PAK3: variants seen among roughly 807,000 people sequenced by gnomAD.
The protein encoded by PAK3 is serine/threonine-protein kinase PAK 3.
Under a neutral mutation model 41.0 loss-of-function variants are expected in PAK3, and 4 were observed. That is an observed-to-expected ratio of 0.10 (90% CI 0.05 to 0.22). PAK3 has a LOEUF of 0.22. Among genes scored for constraint, PAK3 ranks in the 10% least tolerant of loss-of-function variants. The pLI, the probability that PAK3 is intolerant of heterozygous loss-of-function variation, is 1.00. For missense variants in PAK3, 205 were observed against 409.9 expected, an observed-to-expected ratio of 0.50 and a Z score of 4.32; for synonymous variants, 146 against 139.6, an observed-to-expected ratio of 1.05 and a Z score of -0.32.
rs769903561 is a variant in PAK3 at position 111,136,055 on chromosome X, A to T, written c.176-6041A>T. Among the ~76,000 whole-genome samples, 231 of 110,932 alleles carry T rather than the reference A, an allele frequency of 2.1e-3. 1 individual carries two copies. Among genetic ancestry groups the T allele is most frequent in the African/African-American group, 7.2e-3 (220 of 30,511 alleles). ...GAAGAGAAGAAGATGCTACTGCTGGAGATAAATTCATAGGGGCGGGAGAGA... is the reference window on the plus strand; with the variant it reads ...GAAGAGAAGAAGATGCTACTGCTGGTGATAAATTCATAGGGGCGGGAGAGA... On this transcript the variant is annotated intron_variant, in intron 5 of 17. Coordinates refer to ENST00000372007, the MANE Select transcript of PAK3 (RefSeq NM_002578.5).
chrX:111,010,278 C>T (rs2091992646), intron 1 of PAK3, among the ~76,000 whole-genome samples: 1 of 111,612 alleles, frequency 9.0e-6, no homozygotes, highest in African/African-American at 3.3e-5. Flanking sequence ...ATGTGAGAAC[C>T]ACCCAGTTTC....
In PAK3 at chrX:111,221,401, G is replaced by A. The variant is rs771338589; in HGVS notation, c.*954G>A. The A allele has an allele frequency of 8.9e-6, 1 of 111,779 alleles. No homozygotes were observed. The highest frequency in any genetic ancestry group is 3.2e-5 in the African/African-American group (1 of 30,793). The allele number at this position is 111,779 out of a possible 1,213,427, so 9.2% of individuals were successfully genotyped here. On this transcript the variant is annotated 3_prime_UTR_variant, in exon 18 of 18. Coordinates refer to ENST00000372007, the MANE Select transcript of PAK3 (RefSeq NM_002578.5). ...GGAGAAACCACATTTAAACAAAGAT[G>A]GGACTTTCTCTGAGAGCCAAAACCA...
chrX:111,222,385 T>C lies in PAK3; in HGVS notation c.*1938T>C, dbSNP rs1306925323. The C allele has an allele frequency of 8.9e-6, 1 of 112,086 alleles. No individual in the cohort carries two copies. The highest frequency in any genetic ancestry group is 9.5e-5 in the Admixed American group (1 of 10,547). 9.2% of individuals were successfully genotyped at this position (112,086 alleles called of 1,213,427 possible). A position where few individuals can be genotyped will look rare whatever the true frequency, so the allele number is the denominator to read the frequency against. ...TATTTTCCCTATTGTTTTCTTTGAC[T>C]GTAAAAGTTGGGAGAGGCTTGACCT... On this transcript the variant is annotated 3_prime_UTR_variant, in exon 18 of 18. Transcript: ENST00000372007.
At chrX:111,032,312 C>T (rs1225891925) in intron 1 of PAK3, among the ~76,000 whole-genome samples, 1 of 112,096 alleles carries the variant, frequency 8.9e-6, no homozygotes, top group African/African-American at 3.2e-5. Flanking sequence ...AAGACCATTA[C>T]ATCTTGGTTG....
At chrX:111,059,695 A>G (rs1185264390) in intron 1 of PAK3, among the ~76,000 whole-genome samples, 2 of 111,527 alleles carry the variant, frequency 1.8e-5, no homozygotes, top group Non-Finnish European at 3.8e-5. Flanking sequence ...ATAATTTTTG[A>G]TACCATTATA....
chrX:110,957,592 A>T (rs187974286), intron 1 of PAK3, among the ~76,000 whole-genome samples: 45 of 111,803 alleles, frequency 4.0e-4, no homozygotes, highest in African/African-American at 1.3e-3. Context: ...TGAATCTTGC[A>T]GGGACCCTGG....
chrX:111,114,828 C>T (rs755888065), intron 4 of PAK3, among the ~76,000 whole-genome samples: 2 of 112,259 alleles, frequency 1.8e-5, no homozygotes, highest in African/African-American at 6.5e-5. Context: ...CTGCCCAGTG[C>T]CTTTGTCAGA....
At chrX:111,152,552 A>T (rs1404345874) in intron 8 of PAK3, 105 bp downstream of exon 8, 6 of 571,283 alleles carry the variant, frequency 1.1e-5, no homozygotes, top group Non-Finnish European at 8.9e-6. Flanking sequence ...TTTTAAAAAC[A>T]ATTTTAAGGT....
intron 1 of PAK3, among the ~76,000 whole-genome samples, chrX:111,017,073 GA>G (rs2092103651): frequency 9.0e-6 from 1 of 110,820 alleles, no homozygotes; most frequent in African/African-American, 3.3e-5. Context: ...GGAACACGGT[GA>G]AAGCAGTGCT....
At chrX:111,095,325 C>T (rs752931313), upstream of PAK3, among the ~76,000 whole-genome samples, 105 of 111,937 alleles carry the variant, frequency 9.4e-4, no homozygotes, top group Non-Finnish European at 6.2e-4. Flanking sequence ...TTTGAATGTC[C>T]TTATTGTTTT....
rs1337719208 is a variant in PAK3 at position 111,022,515 on chromosome X, A to G, written c.-28+77887A>G. ...CCACTACTAAGCCAGCACTAAAAGA[A>G]ATGCTGAAACGATCTCTAAATCTTT... On this transcript the variant is annotated intron_variant, in intron 1 of 14. Transcript: ENST00000425146. Among the ~76,000 whole-genome samples the G allele has an allele frequency of 2.7e-5, 3 of 111,901 alleles. No individual in the cohort carries two copies. The East Asian group carries it at 8.5e-4, about 32-fold the overall frequency.
intron 5 of PAK3, 82 bp downstream of exon 5, chrX:111,123,360 G>A: frequency 1.1e-6 from 1 of 871,370 alleles, no homozygotes; most frequent in Non-Finnish European, 1.7e-6. Flanking sequence ...GTTGTTTCTT[G>A]AGGATTGACT....
intron 1 of PAK3, among the ~76,000 whole-genome samples, chrX:111,029,509 A>G (rs1238974726): frequency 8.9e-6 from 1 of 112,135 alleles, no homozygotes; most frequent in Non-Finnish European, 1.9e-5. Flanking sequence ...AAAGTACAAT[A>G]AAGTATGCCA....
intron 1 of PAK3, among the ~76,000 whole-genome samples, chrX:111,085,369 C>T (rs953830523): frequency 8.9e-6 from 1 of 112,061 alleles, no homozygotes; most frequent in Admixed American, 9.4e-5. Flanking sequence ...AAGAAAGATG[C>T]TCTGAGGCAG....
At chrX:111,192,286 A>G (rs992035915) in intron 12 of PAK3, 111 bp downstream of exon 12, 30 of 579,593 alleles carry the variant, frequency 5.2e-5, no homozygotes, top group Non-Finnish European at 8.3e-5. Context: ...CTGGGTTGAC[A>G]TAGGTGTTTA....
rs142146678 is a variant in PAK3, at chrX:111,189,005, C to T, written c.831-3122C>T. ...TTGCATAATGCTGAGGTTTGGGGTA[C>T]GAATTATCCCATCACCCAGAAGTCA... On this transcript the variant is annotated intron_variant, in intron 11 of 17. Transcript: ENST00000372007. Among the ~76,000 whole-genome samples, 7 of 111,023 alleles carry T rather than the reference C, an allele frequency of 6.3e-5. No homozygotes were observed. The East Asian group carries it at 1.7e-3, about 27-fold the overall frequency.
chrX:111,202,921 C>T (rs1326646414), intron 16 of PAK3, among the ~76,000 whole-genome samples: 1 of 111,751 alleles, frequency 8.9e-6, no homozygotes, highest in East Asian at 2.8e-4. Flanking sequence ...GAAGCTGTAT[C>T]GAAGATTGGA....
At chrX:111,106,787 T>C (rs1392592895) in intron 4 of PAK3, among the ~76,000 whole-genome samples, 4 of 112,207 alleles carry the variant, frequency 3.6e-5, no homozygotes, top group Non-Finnish European at 5.6e-5. Context: ...AAAGGTTATA[T>C]TGGCAACCAG....
At chrX:111,152,707 A>G (rs1476621666) in intron 8 of PAK3, 1 of 251,975 alleles carries the variant, frequency 4.0e-6, no homozygotes, top group African/African-American at 2.8e-5. Context: ...ACCTACTTAC[A>G]GTTAACTCCA....
Sources: allele counts gnomAD v4.1 joint callset (sites outside exome capture counted in the v4.1 genomes callset), GRCh38; gene constraint gnomAD v4.1.1; transcripts MANE v1.5; gene names NCBI Gene and HGNC (gene_info 2026-07-23, HGNC 2026-07-21).